Variants in ZNF292 observed in about 807,000 individuals in gnomAD.
ZNF292 encodes zinc finger protein 292, also known as 16 zinc-finger domain protein.
A neutral mutation model predicts 217.9 loss-of-function variants in ZNF292; 26 were observed. That is an observed-to-expected ratio of 0.12 (90% confidence interval 0.09 to 0.17). The LOEUF (loss-of-function observed/expected upper bound fraction) is 0.17. Among genes scored for constraint, ZNF292 ranks in the 10% least tolerant of loss-of-function variants. ZNF292 has a pLI of 1.00. For synonymous variants in ZNF292, 1,257 were observed against 1,124.1 expected (o/e 1.12, Z -2.37); for missense variants, 2,904 against 3,175.2 (o/e 0.91, Z 2.05).
Position 87,255,125 on chromosome 6 carries a change from G to A in ZNF292, c.1496G>A (p.Gly499Asp). The change falls in exon 8 of 8, where the codon GGT becomes GAT. Residue 499 changes from glycine to aspartate, a missense_variant. Transcript: ENST00000369577. ...SKETSMNGLS[G>D]GVGANSGLLK... ...GAAACTTCTATGAATGGGCTTTCTG[G>A]TGGAGTTGGTGCTAATTCTGGCCTT... is the stretch of plus-strand genomic sequence containing the variant. 6.2e-7 allele frequency: 1 copy of A among 1,613,698 alleles called. No homozygotes were observed. The highest frequency in any genetic ancestry group is 8.5e-7 in the Non-Finnish European group (1 of 1,179,830).
At chr6:87,172,524 C>G (rs1398117398) in intron 1 of ZNF292, among the ~76,000 whole-genome samples, 1 of 152,012 alleles carries the variant, frequency 6.6e-6, no homozygotes, top group African/African-American at 2.4e-5. Context: ...GAATGTTTAA[C>G]CATTCTAAGT....
rs762186904 is a variant in ZNF292 at position 87,256,560 on chromosome 6, T to G, written c.2931T>G (p.Thr977=). The G allele has an allele frequency of 6.2e-7, 1 of 1,613,590 alleles. No individual in the cohort carries two copies. Among genetic ancestry groups the G allele is most frequent in the Non-Finnish European group, 8.5e-7 (1 of 1,179,832 alleles). ...VTDLHTPVED[T]CNDLCHPGFQ... ...ACTTACATACGCCAGTTGAAGATAC[T>G]TGTAATGATTTGTGTCATCCAGGTT... Residue 977 remains threonine (T), a synonymous_variant, in exon 8 of 8, where the codon ACT becomes ACG. Coordinates refer to ENST00000369577, the MANE Select transcript of ZNF292 (RefSeq NM_015021.3).
intron 5 of ZNF292, among the ~76,000 whole-genome samples, chr6:87,242,938 T>C (rs1191346829): frequency 6.6e-6 from 1 of 152,080 alleles, no homozygotes; most frequent in Non-Finnish European, 1.5e-5. Context: ...TTATAGAAAA[T>C]TGAGGTGAGC....
intron 1 of ZNF292, among the ~76,000 whole-genome samples, chr6:87,178,870 C>G (rs1424491423): frequency 6.6e-6 from 1 of 152,108 alleles, no homozygotes; most frequent in Non-Finnish European, 1.5e-5. Flanking sequence ...TCTTTTGAAA[C>G]TAAGTTTCAG....
At chr6:87,234,993 A>C (rs1282833707) in intron 5 of ZNF292, among the ~76,000 whole-genome samples, 1 of 152,146 alleles carries the variant, frequency 6.6e-6, no homozygotes, top group Non-Finnish European at 1.5e-5. Flanking sequence ...AATGTCAGAC[A>C]GTTTGTAGGC....
At chr6:87,184,203 T>C (rs1771563892) in intron 1 of ZNF292, among the ~76,000 whole-genome samples, 1 of 152,220 alleles carries the variant, frequency 6.6e-6, no homozygotes, top group Non-Finnish European at 1.5e-5. Flanking sequence ...ATTGGCACAA[T>C]GTGTGAAGGG....
chr6:87,218,558 C>T lies in ZNF292; in HGVS notation c.403-38C>T, dbSNP rs556638909. ...GCCTGATAAGCTTGCTTTTAAAAAT[C>T]TGTTGTAATTCTTTGGATGTTTATT... On this transcript the variant is annotated intron_variant, in intron 3 of 7. Transcript: ENST00000369577. 596 of 1,479,152 alleles carry T rather than the reference C, an allele frequency of 4.0e-4. 9 individuals are homozygous for T. In the South Asian group the frequency reaches 7.0e-3, roughly 17 times the overall value. 91.6% of individuals were successfully genotyped at this position (1,479,152 alleles called of 1,614,324 possible). A position where few individuals can be genotyped will look rare whatever the true frequency, so the allele number is the denominator to read the frequency against.
chr6:87,186,893 C>T (rs759671042), intron 1 of ZNF292, among the ~76,000 whole-genome samples: 2 of 152,122 alleles, frequency 1.3e-5, no homozygotes, highest in Non-Finnish European at 2.9e-5. Context: ...TCTCTGAACG[C>T]GTGAACTAAA....
intron 2 of ZNF292, 51 bp downstream of exon 2, chr6:87,216,108 G>GACAC (rs57115253): frequency 7.2e-4 from 371 of 515,854 alleles, no homozygotes; most frequent in South Asian, 1.3e-3. Flanking sequence ...AAAATACATA[G>GACAC]ACACACACAC....
intron 1 of ZNF292, among the ~76,000 whole-genome samples, chr6:87,159,375 ATATTT>A (rs1349339947): frequency 6.6e-6 from 1 of 151,404 alleles, no homozygotes; most frequent in Admixed American, 6.6e-5. Context: ...ATTTTTTTAT[ATATTT>A]TATTTTATTT....
chr6:87,249,712 C>CT (rs201183917), intron 7 of ZNF292, among the ~76,000 whole-genome samples: 11 of 151,154 alleles, frequency 7.3e-5, no homozygotes, highest in African/African-American at 2.2e-4. Flanking sequence ...AACTGGTAAC[C>CT]TTTTTTTTTC....
chr6:87,224,668 T>C (rs1271495378), intron 4 of ZNF292, among the ~76,000 whole-genome samples: 1 of 152,222 alleles, frequency 6.6e-6, no homozygotes, highest in African/African-American at 2.4e-5. Flanking sequence ...GCTCATTCCT[T>C]TTTATCACTA....
At position 87,174,781 on chromosome 6, in the gene ZNF292, G is replaced by A. The variant is rs554000464; in HGVS notation, c.168+19022G>A. The stretch of plus-strand genomic sequence containing the variant: ...TATATTTCTCTGGAATCATGACACC[G>A]ATGTGTATATAGTATGAATAGGGGA... On this transcript the variant is annotated intron_variant, in intron 1 of 7. Transcript: ENST00000369577. 3.9e-5 allele frequency among the ~76,000 whole-genome samples: 6 copies of A among 152,252 alleles called. No homozygotes were observed. In the South Asian group the frequency reaches 6.2e-4, roughly 16 times the overall value.
intron 1 of ZNF292, among the ~76,000 whole-genome samples, chr6:87,203,900 C>T (rs535570359): frequency 5.2e-4 from 79 of 151,992 alleles, no homozygotes; most frequent in Non-Finnish European, 9.3e-4. Context: ...CCTAGAGAGC[C>T]GCCTAGTTCC....
intron 5 of ZNF292, 57 bp from the exon 6 acceptor site, chr6:87,243,418 C>A: frequency 7.1e-7 from 1 of 1,415,308 alleles, no homozygotes; most frequent in Admixed American, 2.8e-5. Context: ...AGGTATATTG[C>A]TCTATATTCT....
At chr6:87,207,929 A>G (rs1188874948) in intron 1 of ZNF292, among the ~76,000 whole-genome samples, 1 of 152,070 alleles carries the variant, frequency 6.6e-6, no homozygotes, top group Admixed American at 6.6e-5. Flanking sequence ...TTTTCTGTGT[A>G]TCATTCTGAC....
intron 1 of ZNF292, among the ~76,000 whole-genome samples, chr6:87,187,168 A>G (rs1487457423): frequency 1.3e-5 from 2 of 152,246 alleles, no homozygotes; most frequent in Non-Finnish European, 2.9e-5. Flanking sequence ...CAGTAACTAG[A>G]AAAAGTTGTC....
rs1341794655 is a variant in ZNF292 at position 87,257,510 on chromosome 6, C to T, written c.3881C>T (p.Thr1294Ile). The T allele has an allele frequency of 6.2e-7, 1 of 1,610,306 alleles. No individual in the cohort carries two copies. The highest frequency in any genetic ancestry group is 1.7e-5 in the Admixed American group (1 of 59,410). Residue 1294 changes from threonine to isoleucine, a missense_variant, in exon 8 of 8, where the codon ACA (threonine) becomes ATA (isoleucine). Around this residue, in one of 15 missense-constraint regions of ZNF292, gnomAD observed 687 missense variants for 623.0 expected, o/e 1.10. Coordinates refer to ENST00000369577, the MANE Select transcript of ZNF292 (RefSeq NM_015021.3). Reference sequence around the variant, plus strand: ...GTTTTTTCCCAACTGGAAAATAATACAAATCATTATTCCTCACAGATTGAA... The same window carrying T: ...GTTTTTTCCCAACTGGAAAATAATATAAATCATTATTCCTCACAGATTGAA... ...NSVFSQLENN[T>I]NHYSSQIEGN...
At chr6:87,209,386 T>G (rs2127795978) in intron 1 of ZNF292, among the ~76,000 whole-genome samples, 1 of 152,064 alleles carries the variant, frequency 6.6e-6, no homozygotes, top group South Asian at 2.1e-4. Flanking sequence ...GAGAGGAGAG[T>G]AAGGTGCAAA....
Sources: allele counts gnomAD v4.1 joint callset (sites outside exome capture counted in the v4.1 genomes callset), GRCh38; gene constraint gnomAD v4.1.1; regional missense constraint gnomAD v4.1.1; transcripts MANE v1.5; gene names NCBI Gene and HGNC (gene_info 2026-07-23, HGNC 2026-07-21).